EBF1: variants seen among roughly 807,000 people sequenced by gnomAD.
The protein encoded by EBF1 is EBF transcription factor 1, also known as transcription factor COE1.
In EBF1, 10 loss-of-function variants were observed where a neutral mutation model predicts 68.4. The observed-to-expected ratio is 0.15, with a 90% confidence interval of 0.09 to 0.25. The LOEUF (loss-of-function observed/expected upper bound fraction) is 0.25, where lower values mean the gene tolerates loss of function less well. Ranked by LOEUF, EBF1 falls within the 10% of genes least tolerant of loss-of-function variation. The pLI is 1.00. For missense variants in EBF1, 509 were observed against 794.4 expected, an observed-to-expected ratio of 0.64 and a Z score of 4.32; for synonymous variants, 298 against 299.8, an observed-to-expected ratio of 0.99 and a Z score of 0.06.
At chr5:159,070,250 C>A in intron 6 of EBF1, among the ~76,000 whole-genome samples, 1 of 152,122 alleles carries the variant, frequency 6.6e-6, no homozygotes, top group East Asian at 1.9e-4. Context: ...ACCTGGCATT[C>A]AACTCCAGAT....
intron 9 of EBF1, among the ~76,000 whole-genome samples, chr5:158,781,715 C>T (rs1561910071): frequency 6.6e-6 from 1 of 152,012 alleles, no homozygotes; most frequent in Non-Finnish European, 1.5e-5. Flanking sequence ...TTGATTCTGC[C>T]CCAAACTGGG....
intron 6 of EBF1, among the ~76,000 whole-genome samples, chr5:158,989,154 G>A (rs939983107): frequency 1.1e-4 from 16 of 152,052 alleles, no homozygotes; most frequent in Non-Finnish European, 2.2e-4. Flanking sequence ...ACACCTAATT[G>A]AGCGACAACC....
chr5:158,709,810 G>A (rs922371802), intron 14 of EBF1, among the ~76,000 whole-genome samples: 13 of 152,174 alleles, frequency 8.5e-5, no homozygotes, highest in African/African-American at 3.1e-4. Context: ...CATTTAAATT[G>A]CAAAACTCCT....
intron 6 of EBF1, among the ~76,000 whole-genome samples, chr5:159,007,480 T>G (rs1763791114): frequency 1.3e-5 from 2 of 152,238 alleles, no homozygotes; most frequent in African/African-American, 4.8e-5. Context: ...TAAGCAGTTC[T>G]AAGACCTCTA....
chr5:158,762,907 T>A (rs1232971718), intron 10 of EBF1, among the ~76,000 whole-genome samples: 3 of 152,108 alleles, frequency 2.0e-5, no homozygotes, highest in Non-Finnish European at 2.9e-5. Context: ...CGCAGTATAA[T>A]CCTAACAACA....
At position 158,967,636 on chromosome 5, in the gene EBF1, A is replaced by G. The variant is rs960492750; in HGVS notation, c.554+105760T>C. 7.2e-5 allele frequency among the ~76,000 whole-genome samples: 11 copies of G among 152,210 alleles called. 1 individual carries two copies. Among genetic ancestry groups the G allele is most frequent in the Non-Finnish European group, 1.6e-4 (11 of 68,034 alleles). On this transcript the variant is annotated intron_variant, in intron 6 of 15. Transcript: ENST00000313708. ...TTCAGACAGCAGCAGGATTACGAAG[A>G]AAATTTTAGAGAGGGAAAGAACTGC... is the stretch of plus-strand genomic sequence containing the variant.
At chr5:158,936,225 C>A (rs1272443937) in intron 6 of EBF1, among the ~76,000 whole-genome samples, 1 of 152,104 alleles carries the variant, frequency 6.6e-6, no homozygotes, top group Non-Finnish European at 1.5e-5. Flanking sequence ...ACCTTGTGAA[C>A]CATATTTCCT....
At chr5:158,769,897 A>G (rs1427360590) in intron 10 of EBF1, among the ~76,000 whole-genome samples, 2 of 152,122 alleles carry the variant, frequency 1.3e-5, no homozygotes, top group African/African-American at 2.4e-5. Flanking sequence ...TGTTGGGTCT[A>G]TTCCAATTAG....
chr5:158,804,302 A>G (rs552265181), intron 8 of EBF1, among the ~76,000 whole-genome samples: 6 of 152,132 alleles, frequency 3.9e-5, no homozygotes, highest in African/African-American at 1.2e-4. Flanking sequence ...CTAAGTTCCA[A>G]TTTATGCCAT....
At chr5:158,843,495 C>T (rs1358416623) in intron 6 of EBF1, among the ~76,000 whole-genome samples, 1 of 152,078 alleles carries the variant, frequency 6.6e-6, no homozygotes, top group East Asian at 1.9e-4. Context: ...TTACCCTAAG[C>T]TGGCCTGTCA....
chr5:158,937,494 T>A (rs1338625393), intron 6 of EBF1, among the ~76,000 whole-genome samples: 1 of 151,880 alleles, frequency 6.6e-6, no homozygotes, highest in Admixed American at 6.6e-5. Context: ...GAACCGAGGA[T>A]CAAATACTCT....
At chr5:158,833,049 C>T (rs1345843000) in intron 7 of EBF1, among the ~76,000 whole-genome samples, 1 of 152,084 alleles carries the variant, frequency 6.6e-6, no homozygotes, top group African/African-American at 2.4e-5. Context: ...GATGGTTTAT[C>T]CTTATTCTTG....
At chr5:158,902,089 T>A (rs1438239799) in intron 6 of EBF1, among the ~76,000 whole-genome samples, 1 of 152,098 alleles carries the variant, frequency 6.6e-6, no homozygotes, top group Non-Finnish European at 1.5e-5. Context: ...CAAGACTCCA[T>A]CTCAAAAAAC....
At chr5:158,881,348 C>T (rs770450840) in intron 6 of EBF1, among the ~76,000 whole-genome samples, 6 of 152,146 alleles carry the variant, frequency 3.9e-5, no homozygotes, top group African/African-American at 9.7e-5. Flanking sequence ...TAGATTCTGA[C>T]GCTTAAATAA....
chr5:159,077,251 A>G (rs561333483), intron 5 of EBF1, among the ~76,000 whole-genome samples: 1 of 152,328 alleles, frequency 6.6e-6, no homozygotes, highest in East Asian at 1.9e-4. Context: ...CCTGGCCAAC[A>G]CGGTGAAACC....
In EBF1 at chr5:158,712,291, A is replaced by C. The variant is rs1451669362; in HGVS notation, c.1412T>G (p.Val471Gly). ...GGTCTGCTGGGGAGTGGTGCTCGGC[A>C]CGTACCCGTGTGGTGATACGCTGCT... The part of the protein sequence containing the change: ...NSSSVSPHGY[V>G]PSTTPQQTNY... Residue 471 changes from valine to glycine, a missense_variant, in exon 14 of 16, where the codon GTG becomes GGG. By Grantham distance (109) the Val-to-Gly change is moderately radical. Around this residue, in one of 3 missense-constraint regions of EBF1, gnomAD observed 205 missense variants for 247.4 expected, o/e 0.83. Transcript: ENST00000313708. The C allele has an allele frequency of 6.2e-7, 1 of 1,614,060 alleles. No individual in the cohort carries two copies. The highest frequency in any genetic ancestry group is 1.1e-5 in the South Asian group (1 of 91,030).
intron 6 of EBF1, among the ~76,000 whole-genome samples, chr5:158,989,219 G>A (rs542405982): frequency 1.4e-4 from 21 of 152,286 alleles, no homozygotes; most frequent in African/African-American, 4.3e-4. Flanking sequence ...GTTCCAGCAC[G>A]AAACAGAAAA....
At chr5:158,980,804 AC>A (rs1174680542) in intron 6 of EBF1, among the ~76,000 whole-genome samples, 2 of 152,190 alleles carry the variant, frequency 1.3e-5, no homozygotes, top group Admixed American at 6.5e-5. Context: ...GGTATCTAGA[AC>A]ACTTAAATAA....
At chr5:158,747,349 C>T (rs192139692) in intron 10 of EBF1, among the ~76,000 whole-genome samples, 2 of 152,260 alleles carry the variant, frequency 1.3e-5, no homozygotes, top group Non-Finnish European at 1.5e-5. Flanking sequence ...GGTAGATATT[C>T]CTATTTCACA....
Sources: gnomAD v4.1 joint callset for allele counts (sites outside exome capture counted in the v4.1 genomes callset) on GRCh38, gnomAD v4.1.1 for gene constraint, gnomAD v4.1.1 regional missense constraint, MANE v1.5 for transcripts, NCBI Gene and HGNC (gene_info 2026-07-23, HGNC 2026-07-21) for gene names.